CC2D2A: variants seen among roughly 807,000 people sequenced by gnomAD.
The protein encoded by CC2D2A is coiled-coil and C2 domain containing 2A.
Under a neutral mutation model 212.9 loss-of-function variants are expected in CC2D2A, and 155 were observed. The ratio of observed to expected loss-of-function variants is 0.73; its 90% CI spans 0.64 to 0.83. The LOEUF (loss-of-function observed/expected upper bound fraction) is 0.83, where lower values mean the gene tolerates loss of function less well. Among genes scored for constraint, CC2D2A ranks in the 40% least tolerant of loss-of-function variants. CC2D2A has a pLI of 0.00. For synonymous variants in CC2D2A, 667 were observed against 686.5 expected (o/e 0.97, Z 0.44); for missense variants, 1,856 against 1,956.2 (o/e 0.95, Z 0.97).
At chr4:15,596,380 G>C (rs971255279) in intron 34 of CC2D2A, among the ~76,000 whole-genome samples, 173 bp downstream of exon 34, 3 of 152,030 alleles carry the variant, frequency 2.0e-5, no homozygotes, top group African/African-American at 7.2e-5. Context: ...ATATGTGAAA[G>C]GACCAGTATA....
intron 20 of CC2D2A, 50 bp from the exon 21 acceptor site, chr4:15,557,254 G>A (rs750781643): frequency 1.5e-6 from 2 of 1,325,286 alleles, no homozygotes; most frequent in Middle Eastern, 1.9e-4. Context: ...AAGTTTCTTT[G>A]GATGAGATCT....
intron 4 of CC2D2A, among the ~76,000 whole-genome samples, chr4:15,500,642 G>A (rs1251833644): frequency 2.0e-5 from 3 of 152,146 alleles, no homozygotes; most frequent in Non-Finnish European, 4.4e-5. Context: ...ATGGAAGAAG[G>A]CACAACCCAA....
intron 29 of CC2D2A, among the ~76,000 whole-genome samples, chr4:15,579,755 C>T (rs979748820): frequency 6.6e-6 from 1 of 152,128 alleles, no homozygotes; most frequent in Non-Finnish European, 1.5e-5. Context: ...TCAATCCTGT[C>T]AAATATATTT....
rs186434509 is a variant in CC2D2A, at chr4:15,492,788, C to A, written c.248-9641C>A. 5 of 686,622 alleles carry A rather than the reference C, an allele frequency of 7.3e-6. No homozygotes were observed. The Admixed American group carries it at 9.1e-5, about 13-fold the overall frequency. The allele number at this position is 686,622 out of a possible 1,614,324, so 42.5% of individuals were successfully genotyped here. ...CTATTGCTATAGCCAAATTCATTGTCATACCAGGAAATGAGCTTGATAAAG... is the reference window on the plus strand; with the variant it reads ...CTATTGCTATAGCCAAATTCATTGTAATACCAGGAAATGAGCTTGATAAAG... On this transcript the variant is annotated intron_variant, in intron 4 of 36. Transcript: ENST00000424120.
At chr4:15,592,776 C>G (rs1023052700) in intron 33 of CC2D2A, among the ~76,000 whole-genome samples, 8 of 152,132 alleles carry the variant, frequency 5.3e-5, no homozygotes, top group African/African-American at 1.4e-4. Flanking sequence ...GCCCCAGAAC[C>G]TTTGTCTTGA....
chr4:15,566,761 CA>C (rs952812381), intron 24 of CC2D2A, among the ~76,000 whole-genome samples: 20 of 152,214 alleles, frequency 1.3e-4, no homozygotes, highest in African/African-American at 3.9e-4. Context: ...CACTTGAACG[CA>C]GGAGTTCAAG....
At chr4:15,472,905 T>A (rs1713933645) in intron 1 of CC2D2A, among the ~76,000 whole-genome samples, 1 of 152,214 alleles carries the variant, frequency 6.6e-6, no homozygotes, top group Non-Finnish European at 1.5e-5. Context: ...AGTGAAACCT[T>A]GATCTCAGAT....
chr4:15,536,807 C>T (rs781507520), intron 14 of CC2D2A, 113 bp from the exon 15 acceptor site: 47 of 972,422 alleles, frequency 4.8e-5, no homozygotes, highest in Non-Finnish European at 6.8e-5. Flanking sequence ...ACATGTGCGA[C>T]ATTTTTAGAA....
In CC2D2A at chr4:15,599,686, A is replaced by T; in HGVS notation, c.4654A>T (p.Lys1552Ter). Reference sequence around the variant, plus strand: ...AGATGACCACAGAGCAGAACTGCTAAAACAGCTGGGAGACTACAGGGTAAG... The same window carrying T: ...AGATGACCACAGAGCAGAACTGCTATAACAGCTGGGAGACTACAGGGTAAG... ...VEDDHRAELLKQLGDYRFSGF... is the reference protein window; with the variant it reads ...VEDDHRAELL The change falls in exon 36 of 37, where the codon AAA (lysine) becomes TAA (stop). Residue 1552 changes from lysine (K) to a stop codon, truncating the protein, a stop_gained. Coordinates refer to ENST00000424120, the MANE Select transcript of CC2D2A (RefSeq NM_001378615.1). LOFTEE classifies it high-confidence loss of function. The T allele has an allele frequency of 6.2e-7, 1 of 1,611,518 alleles. No homozygotes were observed. Among genetic ancestry groups the T allele is most frequent in the Non-Finnish European group, 8.5e-7 (1 of 1,178,110 alleles).
At position 15,587,939 on chromosome 4, in the gene CC2D2A, C is replaced by G. The variant is rs1215067411; in HGVS notation, c.4179+10C>G. Reference sequence around the variant, plus strand: ...CAATGCTATTCCTGAGGTAAGACCACATAGGCTGCCTTTAACAGAGGAGTA... The same window carrying G: ...CAATGCTATTCCTGAGGTAAGACCAGATAGGCTGCCTTTAACAGAGGAGTA... On this transcript the variant is annotated intron_variant, in intron 32 of 36. Coordinates refer to ENST00000424120, the MANE Select transcript of CC2D2A (RefSeq NM_001378615.1). 2.7e-6 allele frequency: 4 copies of G among 1,485,678 alleles called. No individual in the cohort carries two copies. Among genetic ancestry groups the G allele is most frequent in the African/African-American group, 1.4e-5 (1 of 72,290 alleles). The allele number at this position is 1,485,678 out of a possible 1,614,324, so 92.0% of individuals were successfully genotyped here.
At chr4:15,536,728 A>C (rs148053270) in intron 14 of CC2D2A, among the ~76,000 whole-genome samples, 192 bp from the exon 15 acceptor site, 3 of 152,148 alleles carry the variant, frequency 2.0e-5, no homozygotes, top group African/African-American at 7.2e-5. Context: ...CTTAACTTCT[A>C]TGTGCCTCTG....
intron 10 of CC2D2A, 51 bp downstream of exon 10, chr4:15,516,055 GC>G: frequency 4.1e-6 from 6 of 1,459,220 alleles, no homozygotes; most frequent in Non-Finnish European, 5.5e-6. Flanking sequence ...ACTAGACATA[GC>G]TTTTATTTTC....
At chr4:15,599,331 T>C (rs1721470783) in intron 35 of CC2D2A, among the ~76,000 whole-genome samples, 198 bp from the exon 36 acceptor site, 1 of 152,136 alleles carries the variant, frequency 6.6e-6, no homozygotes, top group African/African-American at 2.4e-5. Flanking sequence ...TATACAACCC[T>C]TAAGGACAGG....
intron 11 of CC2D2A, among the ~76,000 whole-genome samples, chr4:15,526,204 A>G (rs565609147): frequency 6.6e-6 from 1 of 152,314 alleles, no homozygotes; most frequent in African/African-American, 2.4e-5. Context: ...CACACTGTAG[A>G]CATCCATTAA....
intron 6 of CC2D2A, among the ~76,000 whole-genome samples, chr4:15,508,341 C>T (rs907170447): frequency 6.6e-6 from 1 of 152,112 alleles, no homozygotes; most frequent in Non-Finnish European, 1.5e-5. Context: ...ACTACAGGCA[C>T]AGAAAAACCC....
chr4:15,562,159 C>T (rs575712694), intron 23 of CC2D2A, among the ~76,000 whole-genome samples: 2 of 152,306 alleles, frequency 1.3e-5, no homozygotes, highest in South Asian at 2.1e-4. Flanking sequence ...CTGTCAGCAG[C>T]GCCTAGACAG....
intron 3 of CC2D2A, among the ~76,000 whole-genome samples, chr4:15,480,017 G>A (rs949832966): frequency 5.3e-5 from 8 of 152,164 alleles, no homozygotes; most frequent in Non-Finnish European, 1.2e-4. Context: ...GGGACTTTTT[G>A]TTTAAATAAG....
intron 17 of CC2D2A, among the ~76,000 whole-genome samples, chr4:15,541,377 G>A (rs1455419084): frequency 3.3e-5 from 5 of 151,800 alleles, no homozygotes. Flanking sequence ...ATAATTTTTT[G>A]TTCATTACAG....
intron 1 of CC2D2A, among the ~76,000 whole-genome samples, chr4:15,470,689 CTATATA>C (rs199958992): frequency 0.018 from 898 of 49,936 alleles, 1 homozygote; most frequent in East Asian, 0.03. Context: ...CTCTCTCTCT[CTATATA>C]TATATATATA....
Sources: gnomAD v4.1 joint callset for allele counts (sites outside exome capture counted in the v4.1 genomes callset) on GRCh38, gnomAD v4.1.1 for gene constraint, MANE v1.5 for transcripts, NCBI Gene and HGNC (gene_info 2026-07-23, HGNC 2026-07-21) for gene names.